The following PSD3 variants were observed in gnomAD, a reference collection of about 807,000 sequenced individuals.
The protein encoded by PSD3 is PH and SEC7 domain-containing protein 3.
A neutral mutation model predicts 105.5 loss-of-function variants in PSD3; 49 were observed. The observed-to-expected ratio is 0.46, with a 90% CI of 0.37 to 0.59. The LOEUF (loss-of-function observed/expected upper bound fraction) is 0.59, where lower values mean the gene tolerates loss of function less well. PSD3 is among the 20% of genes least tolerant of loss of function. The probability of loss-of-function intolerance (pLI) is 0.00; values close to 1 mark genes in which losing one functional copy is unlikely to be tolerated. For synonymous variants in PSD3, 557 were observed against 457.8 expected, an observed-to-expected ratio of 1.22 and a Z score of -2.77; for missense variants, 1,561 against 1,263.8, an observed-to-expected ratio of 1.24 and a Z score of -3.57.
intron 4 of PSD3, among the ~76,000 whole-genome samples, chr8:18,812,477 AG>A (rs1482303682): frequency 1.3e-5 from 2 of 152,198 alleles, no homozygotes; most frequent in African/African-American, 4.8e-5. Context: ...CTGGAGAAGC[AG>A]GGTGACCAGT....
At chr8:18,890,006 C>A (rs1271171937) in intron 2 of PSD3, among the ~76,000 whole-genome samples, 2 of 152,070 alleles carry the variant, frequency 1.3e-5, no homozygotes, top group East Asian at 3.9e-4. Flanking sequence ...AACAGGCAAG[C>A]AAGCTATTAT....
At chr8:18,948,036 A>G (rs1822976794) in intron 1 of PSD3, among the ~76,000 whole-genome samples, 2 of 152,224 alleles carry the variant, frequency 1.3e-5, no homozygotes, top group Non-Finnish European at 2.9e-5. Flanking sequence ...ATGAGTTCAC[A>G]GCATATCCTC....
intron 1 of PSD3, among the ~76,000 whole-genome samples, chr8:18,980,577 A>C (rs11987871): frequency 0.36 from 54,798 of 151,854 alleles, 10,086 homozygotes; most frequent in Middle Eastern, 0.56. Context: ...CTACCATCTT[A>C]TTTGTGCTAT....
At chr8:19,051,235 C>A (rs1161195457) in intron 1 of PSD3, among the ~76,000 whole-genome samples, 1 of 150,462 alleles carries the variant, frequency 6.6e-6, no homozygotes, top group East Asian at 1.9e-4. Context: ...TCCTTCCCAT[C>A]TTTGCCTCGA....
At chr8:18,658,978 A>C (rs1809107496) in intron 9 of PSD3, among the ~76,000 whole-genome samples, 1 of 152,130 alleles carries the variant, frequency 6.6e-6, no homozygotes, top group African/African-American at 2.4e-5. Flanking sequence ...TAACAACAAC[A>C]AACTAGTTAT....
chr8:18,681,446 CA>C (rs528679351), intron 9 of PSD3, among the ~76,000 whole-genome samples: 914 of 62,296 alleles, frequency 0.015, 1 homozygote, highest in Non-Finnish European at 0.022. Context: ...GTTTCTGTTT[CA>C]AAAAAAAAAA....
chr8:18,812,180 T>C (rs1811752241), intron 4 of PSD3, among the ~76,000 whole-genome samples: 1 of 152,142 alleles, frequency 6.6e-6, no homozygotes, highest in African/African-American at 2.4e-5. Flanking sequence ...CACAATCTGA[T>C]GTTGACGCTG....
chr8:18,827,620 A>G (rs1813305365), intron 4 of PSD3, among the ~76,000 whole-genome samples: 1 of 152,162 alleles, frequency 6.6e-6, no homozygotes, highest in Non-Finnish European at 1.5e-5. Context: ...GTGCTATGAG[A>G]GTGTTTTTTA....
At position 18,831,911 on chromosome 8, in the gene PSD3, G is replaced by T. The variant is rs916180588; in HGVS notation, c.1635-27013C>A. The stretch of plus-strand genomic sequence containing the variant: ...GAATAAATATAACAAAAAAAAAATA[G>T]AAAAAGTATGGGAAGAAAGGTAAGT... On this transcript the variant is annotated intron_variant, in intron 4 of 15. Transcript: ENST00000327040. Among the ~76,000 whole-genome samples the T allele has an allele frequency of 2.0e-5, 3 of 151,906 alleles. No individual in the cohort carries two copies. In the South Asian group the frequency reaches 6.2e-4, roughly 32 times the overall value.
At chr8:18,604,806 G>T (rs550205519) in intron 11 of PSD3, among the ~76,000 whole-genome samples, 1 of 152,154 alleles carries the variant, frequency 6.6e-6, no homozygotes, top group Non-Finnish European at 1.5e-5. Flanking sequence ...GGCTCAAAGG[G>T]GCCTGGGTAC....
At chr8:18,991,367 C>T (rs1462769201) in intron 1 of PSD3, among the ~76,000 whole-genome samples, 2 of 52,828 alleles carry the variant, frequency 3.8e-5, no homozygotes, top group African/African-American at 1.2e-4. Flanking sequence ...CACACACACA[C>T]ACACATACAC....
At chr8:18,631,896 G>C (rs1289301388) in intron 11 of PSD3, among the ~76,000 whole-genome samples, 2 of 151,916 alleles carry the variant, frequency 1.3e-5, no homozygotes, top group African/African-American at 2.4e-5. Context: ...ATAATTCTGA[G>C]CAAACATGTC....
At chr8:18,822,286 A>G (rs547182816) in intron 4 of PSD3, among the ~76,000 whole-genome samples, 1 of 152,284 alleles carries the variant, frequency 6.6e-6, no homozygotes, top group South Asian at 2.1e-4. Flanking sequence ...AGTATGATGC[A>G]TAGCCCTAAA....
intron 9 of PSD3, among the ~76,000 whole-genome samples, chr8:18,715,874 T>C (rs1407141809): frequency 1.3e-5 from 2 of 152,238 alleles, no homozygotes; most frequent in Non-Finnish European, 2.9e-5. Context: ...TGACAGGCAT[T>C]GTTCTAGGTA....
chr8:18,765,473 A>T lies in PSD3; in HGVS notation c.2148T>A (p.Val716=). ...IANLQGVNEG[V]DFSKDLLKAL... is the part of the protein sequence containing the mutation. Reference sequence around the variant, plus strand: ...CTTTCAGCAGATCCTTGGAGAAATCAACACCCTCATTTACCCCTTGCAGAT... The same window carrying T: ...CTTTCAGCAGATCCTTGGAGAAATCTACACCCTCATTTACCCCTTGCAGAT... The change falls in exon 9 of 16, where the codon GTT becomes GTA. Residue 716 remains valine, a synonymous_variant. Coordinates refer to ENST00000327040, the MANE Select transcript of PSD3 (RefSeq NM_015310.4). 6.2e-7 allele frequency: 1 copy of T among 1,612,128 alleles called. No homozygotes were observed. The highest frequency in any genetic ancestry group is 8.5e-7 in the Non-Finnish European group (1 of 1,178,148).
At chr8:18,866,091 C>G (rs544243886) in intron 4 of PSD3, among the ~76,000 whole-genome samples, 1 of 152,312 alleles carries the variant, frequency 6.6e-6, no homozygotes, top group South Asian at 2.1e-4. Flanking sequence ...CATGTTTGGT[C>G]TGTAATATAA....
rs1046738703 is a variant in PSD3, at chr8:18,821,901, C to A, written c.1635-17003G>T. On this transcript the variant is annotated intron_variant, in intron 4 of 15. Transcript: ENST00000327040. ...ACACACACACACACACACACACACA[C>A]AAATGGTTGCTTAGAGGACAACCTC... Among the ~76,000 whole-genome samples the A allele has an allele frequency of 8.5e-4, 125 of 146,256 alleles. 1 individual carries two copies. In the East Asian group the frequency reaches 0.019, roughly 23 times the overall value.
At chr8:18,650,347 G>A (rs1367197779) in intron 10 of PSD3, among the ~76,000 whole-genome samples, 2 of 151,444 alleles carry the variant, frequency 1.3e-5, no homozygotes, top group Admixed American at 6.6e-5. Context: ...ATTTTTTAAA[G>A]CCAAGAAAAA....
At chr8:18,866,249 C>T (rs780828386) in intron 4 of PSD3, among the ~76,000 whole-genome samples, 4 of 152,194 alleles carry the variant, frequency 2.6e-5, no homozygotes, top group Non-Finnish European at 4.4e-5. Context: ...TGAGGAGCAC[C>T]GCCTCACGGG....
Sources: allele counts gnomAD v4.1 joint callset (sites outside exome capture counted in the v4.1 genomes callset), GRCh38; gene constraint gnomAD v4.1.1; transcripts MANE v1.5; gene names NCBI Gene and HGNC (gene_info 2026-07-23, HGNC 2026-07-21).